WWC2: variants seen among roughly 807,000 people sequenced by gnomAD.
WWC2 encodes protein WWC2.
Under a neutral mutation model 138.5 loss-of-function variants are expected in WWC2, and 101 were observed. The observed-to-expected ratio is 0.73, with a 90% CI of 0.62 to 0.86. The LOEUF (loss-of-function observed/expected upper bound fraction) is 0.86. WWC2 is among the 40% of genes least tolerant of loss of function. The probability of loss-of-function intolerance (pLI) is 0.00; values close to 1 mark genes in which losing one functional copy is unlikely to be tolerated. For synonymous variants in WWC2, 558 were observed against 538.4 expected (o/e 1.04, Z -0.50); for missense variants, 1,420 against 1,419.4 (o/e 1.00, Z -0.01).
intron 4 of WWC2, among the ~76,000 whole-genome samples, chr4:183,221,503 G>C (rs1409433716): frequency 6.6e-6 from 1 of 152,100 alleles, no homozygotes; most frequent in Non-Finnish European, 1.5e-5. Context: ...CCTTACTCTA[G>C]AATATGAAAA....
chr4:183,136,457 G>C (rs1733118307), intron 1 of WWC2, among the ~76,000 whole-genome samples: 1 of 151,984 alleles, frequency 6.6e-6, no homozygotes, highest in Non-Finnish European at 1.5e-5. Context: ...TTTCAAATCT[G>C]GTCATTCTTT....
intron 11 of WWC2, among the ~76,000 whole-genome samples, chr4:183,263,146 T>G (rs1737387921): frequency 6.6e-6 from 1 of 152,224 alleles, no homozygotes; most frequent in South Asian, 2.1e-4. Context: ...GAATGTTCTG[T>G]GCCAGCGTTC....
At chr4:183,194,600 T>C (rs1403451870) in intron 2 of WWC2, among the ~76,000 whole-genome samples, 2 of 152,236 alleles carry the variant, frequency 1.3e-5, no homozygotes, top group Admixed American at 1.3e-4. Context: ...ACAGTATCAC[T>C]GTAGCAAAGT....
intron 2 of WWC2, among the ~76,000 whole-genome samples, chr4:183,196,142 C>T (rs190590469): frequency 7.9e-5 from 12 of 152,234 alleles, no homozygotes; most frequent in Non-Finnish European, 1.3e-4. Context: ...TGAGGCCTCC[C>T]CAGGAGCCCA....
Position 183,253,737 on chromosome 4 carries a change from T to G in WWC2, c.954-20T>G. The G allele has an allele frequency of 1.2e-6, 2 of 1,600,892 alleles. No individual in the cohort carries two copies. The highest frequency in any genetic ancestry group is 1.7e-6 in the Non-Finnish European group (2 of 1,177,418). On this transcript the variant is annotated intron_variant, in intron 8 of 22. Transcript: ENST00000403733. ...GGAGTTTTAAGTATGTGCATACCTCTTCTATCTTTTTTTTTTTAGTATGGC... is the reference window on the plus strand; with the variant it reads ...GGAGTTTTAAGTATGTGCATACCTCGTCTATCTTTTTTTTTTTAGTATGGC...
intron 1 of WWC2, among the ~76,000 whole-genome samples, chr4:183,110,998 G>C (rs996320945): frequency 2.0e-5 from 3 of 152,134 alleles, no homozygotes; most frequent in Non-Finnish European, 4.4e-5. Context: ...CTAGCACTTT[G>C]GGAGGCTGAG....
In WWC2 at chr4:183,170,785, ACTC is replaced by A. The variant is rs142926851; in HGVS notation, c.132-22810_132-22808del. Among the ~76,000 whole-genome samples the A allele has an allele frequency of 8.2e-3, 1,248 of 151,618 alleles. 9 individuals carry two copies. Among genetic ancestry groups the A allele is most frequent in the Non-Finnish European group, 0.012 (833 of 67,934 alleles). On this transcript the variant is annotated intron_variant, in intron 1 of 22. Transcript: ENST00000403733. The stretch of plus-strand genomic sequence containing the variant: ...TGGTCATAGCTTACTATAACCTTGA[ACTC>A]CTCAAGTGATCCTTTTGCCTCAGCC...
intron 1 of WWC2, among the ~76,000 whole-genome samples, chr4:183,117,259 C>G (rs1228761241): frequency 7.5e-6 from 1 of 133,180 alleles, no homozygotes; most frequent in South Asian, 2.4e-4. Context: ...CTTGCTCTGT[C>G]CCCCAGGCTG....
At chr4:183,182,677 T>C (rs1443498871) in intron 1 of WWC2, among the ~76,000 whole-genome samples, 1 of 152,198 alleles carries the variant, frequency 6.6e-6, no homozygotes, top group Non-Finnish European at 1.5e-5. Context: ...AAATCTGTTT[T>C]CTGTTAAGAT....
chr4:183,308,597 G>C (rs147882905), intron 21 of WWC2, among the ~76,000 whole-genome samples: 2 of 152,236 alleles, frequency 1.3e-5, no homozygotes, highest in East Asian at 3.9e-4. Context: ...GGTGGGGATT[G>C]GTTCCAGGAC....
intron 4 of WWC2, among the ~76,000 whole-genome samples, chr4:183,209,851 A>G (rs151026797): frequency 1.4e-3 from 214 of 152,342 alleles, no homozygotes; most frequent in African/African-American, 4.9e-3. Flanking sequence ...AAATAAACTC[A>G]TGTAACCAAT....
At chr4:183,291,916 A>G (rs1009398090) in intron 21 of WWC2, among the ~76,000 whole-genome samples, 2 of 152,144 alleles carry the variant, frequency 1.3e-5, no homozygotes, top group African/African-American at 2.4e-5. Flanking sequence ...GGACAGAACT[A>G]CAGGTAAATT....
At chr4:183,124,402 C>G (rs1732693453) in intron 1 of WWC2, among the ~76,000 whole-genome samples, 1 of 151,014 alleles carries the variant, frequency 6.6e-6, no homozygotes, top group South Asian at 2.1e-4. Context: ...TACCTAACCT[C>G]TCAGTTATTT....
At chr4:183,116,743 T>G (rs756667946) in intron 1 of WWC2, among the ~76,000 whole-genome samples, 1 of 152,252 alleles carries the variant, frequency 6.6e-6, no homozygotes, top group East Asian at 1.9e-4. Context: ...ACTACATGTG[T>G]ACTGTATTTT....
intron 22 of WWC2, among the ~76,000 whole-genome samples, chr4:183,313,754 A>G (rs1030809359): frequency 6.6e-6 from 1 of 151,368 alleles, no homozygotes; most frequent in Non-Finnish European, 1.5e-5. Context: ...GATGCTAGAA[A>G]GAATGGCTGG....
chr4:183,131,428 A>C (rs1686739120), intron 1 of WWC2, among the ~76,000 whole-genome samples: 1 of 152,144 alleles, frequency 6.6e-6, no homozygotes, highest in African/African-American at 2.4e-5. Flanking sequence ...TGCCGCTAAG[A>C]AAACGAGGTT....
intron 17 of WWC2, 105 bp downstream of exon 17, chr4:183,281,002 T>C (rs1294760845): frequency 7.1e-7 from 1 of 1,414,150 alleles, no homozygotes; most frequent in Non-Finnish European, 9.3e-7. Flanking sequence ...AATGATGGAA[T>C]GCACTGCACC....
intron 4 of WWC2, among the ~76,000 whole-genome samples, chr4:183,218,921 A>G (rs1735842751): frequency 6.6e-6 from 1 of 152,252 alleles, no homozygotes; most frequent in African/African-American, 2.4e-5. Context: ...ACATAAAATT[A>G]ACTATTACAT....
chr4:183,238,108 A>G (rs1191516196), intron 4 of WWC2, among the ~76,000 whole-genome samples: 2 of 152,182 alleles, frequency 1.3e-5, no homozygotes, highest in Non-Finnish European at 2.9e-5. Context: ...CACATATTCT[A>G]GTTGCCATTG....
Sources: allele counts gnomAD v4.1 joint callset (sites outside exome capture counted in the v4.1 genomes callset), GRCh38; gene constraint gnomAD v4.1.1; transcripts MANE v1.5; gene names NCBI Gene and HGNC (gene_info 2026-07-23, HGNC 2026-07-21).